Variants in ALK observed in about 807,000 individuals in gnomAD.
ALK encodes ALK receptor tyrosine kinase.
A neutral mutation model predicts 163.1 loss-of-function variants in ALK; 74 were observed. That is an observed-to-expected ratio of 0.45 (90% confidence interval 0.38 to 0.55). The LOEUF (loss-of-function observed/expected upper bound fraction) is 0.55. ALK is among the 20% of genes least tolerant of loss of function. The probability of loss-of-function intolerance (pLI) is 0.00; values close to 1 mark genes in which losing one functional copy is unlikely to be tolerated. For missense variants in ALK, 2,063 were observed against 2,105.3 expected (o/e 0.98, Z 0.39); for synonymous variants, 960 against 843.2 (o/e 1.14, Z -2.40).
At chr2:29,408,056 T>C (rs1255449836) in intron 4 of ALK, among the ~76,000 whole-genome samples, 1 of 151,090 alleles carries the variant, frequency 6.6e-6, no homozygotes, top group Admixed American at 6.6e-5. Flanking sequence ...AAGATTCTTA[T>C]AGGCAAAGGT....
At chr2:29,795,299 T>A (rs1664279900) in intron 1 of ALK, among the ~76,000 whole-genome samples, 1 of 152,176 alleles carries the variant, frequency 6.6e-6, no homozygotes, top group South Asian at 2.1e-4. Flanking sequence ...AATTAAAAAA[T>A]ATTTTTAAAT....
intron 1 of ALK, among the ~76,000 whole-genome samples, chr2:29,838,251 T>A (rs1278534800): frequency 1.3e-5 from 2 of 152,118 alleles, no homozygotes; most frequent in Admixed American, 6.5e-5. Context: ...GTAGCATACA[T>A]GTAATTGGCC....
intron 1 of ALK, among the ~76,000 whole-genome samples, chr2:29,858,284 T>C (rs1384455015): frequency 6.6e-6 from 1 of 152,150 alleles, no homozygotes; most frequent in Non-Finnish European, 1.5e-5. Context: ...TTAATAATGT[T>C]ACATAAATGG....
intron 26 of ALK, among the ~76,000 whole-genome samples, chr2:29,205,483 C>CA (rs1669288380): frequency 6.6e-6 from 1 of 152,190 alleles, no homozygotes. Flanking sequence ...CATTCTCTGA[C>CA]AGTTCTGAAG....
chr2:29,499,979 T>C (rs1296056830), intron 4 of ALK, among the ~76,000 whole-genome samples: 1 of 152,062 alleles, frequency 6.6e-6, no homozygotes, highest in Non-Finnish European at 1.5e-5. Context: ...ACTGGGGACA[T>C]TGTGACACCC....
chr2:29,703,866 C>T (rs573279658), intron 2 of ALK, among the ~76,000 whole-genome samples: 32 of 152,232 alleles, frequency 2.1e-4, no homozygotes, highest in African/African-American at 3.1e-4. Flanking sequence ...CTTAGGGCCA[C>T]GCCACTGATT....
At chr2:29,898,141 C>T (rs997614120) in intron 1 of ALK, among the ~76,000 whole-genome samples, 1 of 152,230 alleles carries the variant, frequency 6.6e-6, no homozygotes, top group Non-Finnish European at 1.5e-5. Context: ...GCCTCAGGGC[C>T]TCTCTTTCCT....
intron 1 of ALK, among the ~76,000 whole-genome samples, chr2:29,855,528 C>A (rs944856912): frequency 1.9e-4 from 29 of 152,118 alleles, no homozygotes; most frequent in African/African-American, 7.0e-4. Context: ...CTATACATAA[C>A]CTTTAATTAA....
chr2:29,778,315 A>C (rs1453013218), intron 1 of ALK, among the ~76,000 whole-genome samples: 1 of 152,208 alleles, frequency 6.6e-6, no homozygotes. Flanking sequence ...CTCATATGTG[A>C]GGATAAAAGA....
intron 8 of ALK, among the ~76,000 whole-genome samples, chr2:29,316,492 G>A (rs914401139): frequency 1.3e-5 from 2 of 152,176 alleles, no homozygotes; most frequent in African/African-American, 4.8e-5. Context: ...AAGGTTATTA[G>A]AGAAATGATG....
chr2:29,342,824 C>CAG (rs1162370156), intron 5 of ALK, among the ~76,000 whole-genome samples: 1 of 151,118 alleles, frequency 6.6e-6, no homozygotes, highest in Non-Finnish European at 1.5e-5. Context: ...CTACAGTGCC[C>CAG]TGGCAGTGAC....
intron 3 of ALK, among the ~76,000 whole-genome samples, chr2:29,560,759 A>T (rs1673999490): frequency 6.6e-6 from 1 of 151,848 alleles, no homozygotes; most frequent in South Asian, 2.1e-4. Context: ...TTTTATAGAG[A>T]CTGGGTTTTG....
intron 2 of ALK, among the ~76,000 whole-genome samples, chr2:29,714,957 C>T (rs1368965875): frequency 6.6e-6 from 1 of 152,090 alleles, no homozygotes; most frequent in Non-Finnish European, 1.5e-5. Context: ...AAGTCCTCAA[C>T]ATCTGTACTC....
chr2:29,545,280 T>C (rs1015800159), intron 3 of ALK, among the ~76,000 whole-genome samples: 3 of 152,174 alleles, frequency 2.0e-5, no homozygotes, highest in Non-Finnish European at 2.9e-5. Flanking sequence ...AGGGTTTCCT[T>C]TGTTCATGTG....
chr2:29,760,075 A>T (rs1436148810), intron 1 of ALK, among the ~76,000 whole-genome samples: 1 of 152,196 alleles, frequency 6.6e-6, no homozygotes, highest in Non-Finnish European at 1.5e-5. Flanking sequence ...AGTGCAACTA[A>T]GCTACAAGTA....
chr2:29,469,317 C>T (rs934813178), intron 4 of ALK, among the ~76,000 whole-genome samples: 5 of 152,174 alleles, frequency 3.3e-5, no homozygotes, highest in Non-Finnish European at 5.9e-5. Context: ...ATTGCCTTCT[C>T]AATACCCAGA....
chr2:29,481,283 T>C (rs1453428077), intron 4 of ALK, among the ~76,000 whole-genome samples: 1 of 152,220 alleles, frequency 6.6e-6, no homozygotes, highest in Admixed American at 6.5e-5. Context: ...ACGGTAAGAA[T>C]TCATTAAATT....
intron 1 of ALK, among the ~76,000 whole-genome samples, chr2:29,869,476 A>T (rs989354567): frequency 1.3e-5 from 2 of 152,232 alleles, no homozygotes; most frequent in African/African-American, 2.4e-5. Flanking sequence ...GCAAACCTTA[A>T]TAGAAGTTAA....
chr2:29,415,988 C>T (rs1346595903), intron 4 of ALK, among the ~76,000 whole-genome samples: 3 of 152,222 alleles, frequency 2.0e-5, no homozygotes, highest in Non-Finnish European at 4.4e-5. Context: ...TCACCATCAG[C>T]TCCCCTGGAT....
Sources: gnomAD v4.1 joint callset for allele counts (sites outside exome capture counted in the v4.1 genomes callset) on GRCh38, gnomAD v4.1.1 for gene constraint, MANE v1.5 for transcripts, NCBI Gene and HGNC (gene_info 2026-07-23, HGNC 2026-07-21) for gene names.